PTPRG: variants seen among roughly 807,000 people sequenced by gnomAD.
PTPRG encodes the protein receptor-type tyrosine-protein phosphatase gamma.
PTPRG carries 102 observed loss-of-function variants against 165.3 expected under a neutral mutation model. The observed-to-expected ratio is 0.62, with a 90% CI of 0.53 to 0.73. PTPRG has a LOEUF of 0.73. PTPRG is among the 30% of genes least tolerant of loss of function. The pLI is 0.00. For missense variants in PTPRG, 1,866 were observed against 1,861.4 expected, an observed-to-expected ratio of 1.00 and a Z score of -0.05; for synonymous variants, 675 against 669.5, an observed-to-expected ratio of 1.01 and a Z score of -0.13.
chr3:61,586,996 C>T (rs1046591162), intron 1 of PTPRG, among the ~76,000 whole-genome samples: 4 of 152,098 alleles, frequency 2.6e-5, no homozygotes, highest in Non-Finnish European at 4.4e-5. Context: ...CTGTGATGGC[C>T]CATTGCAGGG....
rs1361801770 is a variant in PTPRG at position 62,195,214 on chromosome 3, T to A, written c.1327+44T>A. On this transcript the variant is annotated intron_variant, in intron 10 of 29. Transcript: ENST00000474889. The surrounding 1 kb of genome is among the most constrained non-coding windows in gnomAD (Gnocchi z 4.4). The stretch of plus-strand genomic sequence containing the variant: ...CCTGTGGCCGGGGTGCCCCTGAGAC[T>A]CCCTCCCAATGCTTTCTGCTTCTTC... 1 of 1,505,196 alleles carries A rather than the reference T, an allele frequency of 6.6e-7. No homozygotes were observed. The highest frequency in any genetic ancestry group is 9.2e-7 in the Non-Finnish European group (1 of 1,081,146). 93.2% of individuals were successfully genotyped at this position (1,505,196 alleles called of 1,614,324 possible).
At chr3:61,728,874 CAA>C (rs3032404) in intron 1 of PTPRG, among the ~76,000 whole-genome samples, 36,554 of 102,724 alleles carry the variant, frequency 0.36, 5,585 homozygotes, top group East Asian at 0.75. Flanking sequence ...TAATCTGTAC[CAA>C]AAAAAAAAAA....
chr3:61,817,011 ATATATACTATATAATATATAG>A (rs1182167828), intron 2 of PTPRG, among the ~76,000 whole-genome samples: 1 of 109,714 alleles, frequency 9.1e-6, no homozygotes. Flanking sequence ...TAATATAAAT[ATATATACTATATAATATATAG>A]TATATAATAT....
chr3:61,816,218 C>G (rs115279659), intron 2 of PTPRG, among the ~76,000 whole-genome samples: 1,892 of 152,262 alleles, frequency 0.012, 35 homozygotes, highest in African/African-American at 0.042. Flanking sequence ...TCTTGGCATT[C>G]TTGAACAGAA....
intron 1 of PTPRG, among the ~76,000 whole-genome samples, chr3:61,609,654 T>G (rs557438393): frequency 2.6e-5 from 4 of 152,122 alleles, no homozygotes; most frequent in African/African-American, 7.2e-5. Flanking sequence ...CCCAAGAGTT[T>G]GAGACTAGCC....
chr3:61,832,432 G>T (rs568822206), intron 2 of PTPRG, among the ~76,000 whole-genome samples: 1 of 152,346 alleles, frequency 6.6e-6, no homozygotes, highest in East Asian at 1.9e-4. Context: ...AGCATAGAGA[G>T]TGGGTAAGCA....
chr3:61,862,208 T>C (rs1325162211), intron 2 of PTPRG, among the ~76,000 whole-genome samples: 2 of 152,074 alleles, frequency 1.3e-5, no homozygotes, highest in Non-Finnish European at 2.9e-5. Flanking sequence ...CTAATGCCTA[T>C]TGGAAAAAGT....
intron 5 of PTPRG, among the ~76,000 whole-genome samples, chr3:62,084,612 G>C (rs1701684787): frequency 6.6e-6 from 1 of 152,142 alleles, no homozygotes; most frequent in South Asian, 2.1e-4. Flanking sequence ...CAGCACCTGG[G>C]ATTATTTATA....
chr3:61,739,690 G>A lies in PTPRG; in HGVS notation c.86-9188G>A, dbSNP rs114238822. ...CCTGTGTATTGATGGTAATTTTAATGATGCTTTCCTCATAGGCAATAATTG... is the reference window on the plus strand; with the variant it reads ...CCTGTGTATTGATGGTAATTTTAATAATGCTTTCCTCATAGGCAATAATTG... On this transcript the variant is annotated intron_variant, in intron 1 of 29. Coordinates refer to ENST00000474889, the MANE Select transcript of PTPRG (RefSeq NM_002841.4). Among the ~76,000 whole-genome samples the A allele has an allele frequency of 7.4e-4, 113 of 152,316 alleles. 1 individual carries two copies. The highest frequency in any genetic ancestry group is 2.6e-3 in the African/African-American group (110 of 41,574).
intron 5 of PTPRG, among the ~76,000 whole-genome samples, chr3:62,091,736 A>T (rs1398059937): frequency 6.6e-6 from 1 of 152,172 alleles, no homozygotes; most frequent in African/African-American, 2.4e-5. Flanking sequence ...ATACTAGGGC[A>T]TGGGAATTAT....
intron 2 of PTPRG, among the ~76,000 whole-genome samples, chr3:61,768,192 C>T (rs2034095367): frequency 6.6e-6 from 1 of 152,018 alleles, no homozygotes; most frequent in Non-Finnish European, 1.5e-5. Context: ...ATCAAAAAGC[C>T]ACTAGACCCA....
chr3:61,909,258 C>G (rs9784295), intron 2 of PTPRG, among the ~76,000 whole-genome samples: 1,694 of 152,230 alleles, frequency 0.011, 22 homozygotes, highest in African/African-American at 0.038. Context: ...AGCGTTTCTT[C>G]GATGATAAAG....
rs941929316 is a variant in PTPRG at position 61,607,605 on chromosome 3, A to G, written c.85+45233A>G. 2.6e-5 allele frequency among the ~76,000 whole-genome samples: 4 copies of G among 152,284 alleles called. No individual in the cohort carries two copies. The South Asian group carries it at 8.3e-4, about 32-fold the overall frequency. ...TAGAGGGAAGGTCTGAGCAAAGATA[A>G]CAGAGTGGCTACAAACTTAATTATT... On this transcript the variant is annotated intron_variant, in intron 1 of 29. Transcript: ENST00000474889.
chr3:61,781,209 A>G (rs1319994862), intron 2 of PTPRG, among the ~76,000 whole-genome samples: 5 of 152,204 alleles, frequency 3.3e-5, no homozygotes. Flanking sequence ...TTCCACCTGC[A>G]TTAAAAAAGT....
chr3:62,074,373 T>TTTTTG (rs397978235), intron 4 of PTPRG, among the ~76,000 whole-genome samples: 1 of 113,140 alleles, frequency 8.8e-6, no homozygotes. Context: ...TTTTTTTTTT[T>TTTTTG]GAGACAGGAT....
chr3:62,070,766 T>A (rs1261011348), intron 4 of PTPRG, among the ~76,000 whole-genome samples: 1 of 152,202 alleles, frequency 6.6e-6, no homozygotes, highest in Admixed American at 6.5e-5. Flanking sequence ...TGTGTTTGGA[T>A]GTTTACTTTG....
intron 2 of PTPRG, among the ~76,000 whole-genome samples, chr3:61,945,172 T>G (rs2039726190): frequency 6.6e-6 from 1 of 152,162 alleles, no homozygotes; most frequent in Non-Finnish European, 1.5e-5. Flanking sequence ...GCCAACAAAT[T>G]GTAAGCAAAA....
intron 2 of PTPRG, among the ~76,000 whole-genome samples, chr3:61,935,256 G>A (rs191680449): frequency 6.6e-6 from 1 of 152,168 alleles, no homozygotes; most frequent in Admixed American, 6.5e-5. Flanking sequence ...TTCTTTAAAA[G>A]TGTGATCTAC....
rs57644199 is a variant in PTPRG, at chr3:61,830,566, G to GTTTTTT, written c.190+81603_190+81608dup. On this transcript the variant is annotated intron_variant, in intron 2 of 29. Coordinates refer to ENST00000474889, the MANE Select transcript of PTPRG (RefSeq NM_002841.4). The stretch of plus-strand genomic sequence containing the variant: ...ACTGGTGATGGTTCTTTTTGTTTTT[G>GTTTTTT]TTTTTTTTTTTTTTTTTTTTTTTTG... Among the ~76,000 whole-genome samples the GTTTTTT allele has an allele frequency of 9.4e-3, 807 of 86,280 alleles. 1 individual carries two copies. The highest frequency in any genetic ancestry group is 0.014 in the Non-Finnish European group (616 of 43,810). The allele number at this position is 86,280 out of a possible 152,430, so 56.6% of individuals were successfully genotyped here. A position where few individuals can be genotyped will look rare whatever the true frequency, so the allele number is the denominator to read the frequency against.
Sources: gnomAD v4.1 joint callset for allele counts (sites outside exome capture counted in the v4.1 genomes callset) on GRCh38, gnomAD v4.1.1 for gene constraint, Gnocchi (gnomAD v3.1) non-coding constraint, MANE v1.5 for transcripts, NCBI Gene and HGNC (gene_info 2026-07-23, HGNC 2026-07-21) for gene names.